CLEC5A: variants seen among roughly 807,000 people sequenced by gnomAD.
The protein encoded by CLEC5A is C-type lectin domain containing 5A.
Under a neutral mutation model 24.4 loss-of-function variants are expected in CLEC5A, and 15 were observed. The ratio of observed to expected loss-of-function variants is 0.62; its 90% CI spans 0.41 to 0.95. The LOEUF is 0.95. Among genes scored for constraint, CLEC5A ranks in the 40% least tolerant of loss-of-function variants. The pLI, the probability that CLEC5A is intolerant of heterozygous loss-of-function variation, is 0.00. For synonymous variants in CLEC5A, 71 were observed against 72.6 expected, an observed-to-expected ratio of 0.98 and a Z score of 0.11; for missense variants, 211 against 224.0, an observed-to-expected ratio of 0.94 and a Z score of 0.37.
chr7:141,943,927 G>C lies in CLEC5A; in HGVS notation c.177C>G (p.Asn59Lys). The change falls in exon 4 of 7, where the codon AAC (asparagine) becomes AAG (lysine). Residue 59 changes from asparagine to lysine, a missense_variant. Coordinates refer to ENST00000546910, the MANE Select transcript of CLEC5A (RefSeq NM_013252.3). ...QIFGSSSPSPNGFITTRSYGT... is the reference protein window; with the variant it reads ...QIFGSSSPSPKGFITTRSYGT... ...CATAGCTCCTTGTGGTAATGAAGCC[G>C]TTGGGACTTGGGGAACTGCTCCCAA... 1 of 1,611,200 alleles carries C rather than the reference G, an allele frequency of 6.2e-7. No individual in the cohort carries two copies. The highest frequency in any genetic ancestry group is 8.5e-7 in the Non-Finnish European group (1 of 1,177,670).
At chr7:141,935,709 A>G (rs977368630) in intron 5 of CLEC5A, 105 bp downstream of exon 5, 2 of 1,023,608 alleles carry the variant, frequency 2.0e-6, no homozygotes, top group African/African-American at 1.7e-5. Context: ...CCACCTCTCC[A>G]TTCCTCACTC....
chr7:141,934,529 GGGA>G (rs535638351), intron 5 of CLEC5A, among the ~76,000 whole-genome samples: 1 of 151,612 alleles, frequency 6.6e-6, no homozygotes, highest in Non-Finnish European at 1.5e-5. Flanking sequence ...TATACTTGTT[GGGA>G]GGAGAAGGAT....
At position 141,946,197 on chromosome 7, in the gene CLEC5A, G is replaced by T. The variant is rs782478562; in HGVS notation, c.79+17C>A. The stretch of plus-strand genomic sequence containing the variant: ...GACAACATGAAGTCTGGGGCAAGAG[G>T]TTGCTCAAATACTCACAATAAAGTA... On this transcript the variant is annotated intron_variant, in intron 2 of 6. Coordinates refer to ENST00000546910, the MANE Select transcript of CLEC5A (RefSeq NM_013252.3). The T allele has an allele frequency of 7.7e-6, 12 of 1,555,614 alleles. No homozygotes were observed. The East Asian group carries it at 2.9e-4, about 37-fold the overall frequency.
At chr7:141,930,366 C>T in intron 6 of CLEC5A, 148 bp from the exon 7 acceptor site, 1 of 619,920 alleles carries the variant, frequency 1.6e-6, no homozygotes, top group Non-Finnish European at 2.8e-6. Flanking sequence ...ACCGGGCCCA[C>T]ACACGTCTCC....
rs371108469 is a variant in CLEC5A, at chr7:141,935,837, T to C, written c.322A>G (p.Ile108Val). Reference protein sequence around the residue: ...FCKGKGSTLAIVNTPEKLKFL... With the variant: ...FCKGKGSTLAVVNTPEKLKFL... ...ACCAGTTTCTCTGGCGTGTTGACAA[T>C]TGCCAATGTGGATCCTTTTCCTTTG... Residue 108 changes from isoleucine to valine, a missense_variant, in exon 5 of 7, where the codon ATT becomes GTT. Ile to Val is a conservative substitution (Grantham distance 29). Coordinates refer to ENST00000546910, the MANE Select transcript of CLEC5A (RefSeq NM_013252.3). 1.4e-5 allele frequency: 23 copies of C among 1,614,018 alleles called. No homozygotes were observed. Among genetic ancestry groups the C allele is most frequent in the Non-Finnish European group, 1.8e-5 (21 of 1,179,988 alleles).
At chr7:141,931,599 A>T (rs542529588) in intron 6 of CLEC5A, 121 bp downstream of exon 6, 1 of 635,160 alleles carries the variant, frequency 1.6e-6, no homozygotes, top group African/African-American at 1.9e-5. Flanking sequence ...GGAAGAAAGG[A>T]GAAGAGCAGA....
intron 4 of CLEC5A, among the ~76,000 whole-genome samples, chr7:141,937,171 G>A (rs556097571): frequency 2.8e-4 from 43 of 152,048 alleles, no homozygotes; most frequent in Middle Eastern, 6.8e-3. Context: ...AGGGGGCTTT[G>A]TCTTGCACCT....
chr7:141,939,149 G>T (rs1402424547), intron 4 of CLEC5A, among the ~76,000 whole-genome samples: 2 of 152,098 alleles, frequency 1.3e-5, no homozygotes, highest in African/African-American at 4.8e-5. Context: ...GGTATGTAAA[G>T]TACTCTTATC....
At chr7:141,940,500 A>G (rs553246312) in intron 4 of CLEC5A, among the ~76,000 whole-genome samples, 59 of 152,012 alleles carry the variant, frequency 3.9e-4, no homozygotes, top group African/African-American at 1.4e-3. Flanking sequence ...CAAACCAAAA[A>G]CCTGATGACA....
intron 4 of CLEC5A, among the ~76,000 whole-genome samples, chr7:141,936,518 GCC>G (rs1802633376): frequency 6.6e-6 from 1 of 152,192 alleles, no homozygotes; most frequent in African/African-American, 2.4e-5. Flanking sequence ...ATGAGCGCTA[GCC>G]GGAGGGGAAT....
intron 3 of CLEC5A, 128 bp downstream of exon 3, chr7:141,945,213 T>G: frequency 2.5e-6 from 2 of 785,410 alleles, no homozygotes; most frequent in Non-Finnish European, 2.3e-6. Flanking sequence ...GGGAATTAAT[T>G]AGAAGATCTT....
intron 5 of CLEC5A, among the ~76,000 whole-genome samples, chr7:141,933,390 G>C (rs1009344239): frequency 6.6e-6 from 1 of 151,772 alleles, no homozygotes; most frequent in African/African-American, 2.4e-5. Context: ...GAGGAACTAC[G>C]AGATGCTCAG....
intron 5 of CLEC5A, among the ~76,000 whole-genome samples, chr7:141,934,452 A>G (rs1161093426): frequency 6.6e-6 from 1 of 152,072 alleles, no homozygotes; most frequent in Non-Finnish European, 1.5e-5. Flanking sequence ...GGGGGGTCAA[A>G]TATAATTGAC....
intron 5 of CLEC5A, among the ~76,000 whole-genome samples, 175 bp from the exon 6 acceptor site, chr7:141,932,001 G>C (rs1477365971): frequency 6.6e-6 from 1 of 152,134 alleles, no homozygotes; most frequent in African/African-American, 2.4e-5. Context: ...AGATTCAGAG[G>C]GAATTTGGAA....
In CLEC5A at chr7:141,945,756, G is replaced by T. The variant is rs1175029138; in HGVS notation, c.80-356C>A. 4 of 349,800 alleles carry T rather than the reference G, an allele frequency of 1.1e-5. No individual in the cohort carries two copies. The Admixed American group carries it at 1.9e-4, about 16-fold the overall frequency. The allele number at this position is 349,800 out of a possible 1,614,324, so 21.7% of individuals were successfully genotyped here. A position where few individuals can be genotyped will look rare whatever the true frequency, so the allele number is the denominator to read the frequency against. The stretch of plus-strand genomic sequence containing the variant: ...TTGCAGTAAAATCCTTTCATAGGAG[G>T]CTTCTTTAACTAGGCATTTGGATGA... On this transcript the variant is annotated intron_variant, in intron 2 of 6. Coordinates refer to ENST00000546910, the MANE Select transcript of CLEC5A (RefSeq NM_013252.3).
Position 141,929,070 on chromosome 7 carries a change from T to C in CLEC5A, c.*1034A>G, listed in dbSNP as rs1554439908. The C allele has an allele frequency of 6.6e-6, 1 of 152,216 alleles. No individual in the cohort carries two copies. The highest frequency in any genetic ancestry group is 2.4e-5 in the African/African-American group (1 of 41,444). 9.4% of individuals were successfully genotyped at this position (152,216 alleles called of 1,614,324 possible). On this transcript the variant is annotated 3_prime_UTR_variant, in exon 7 of 7. Coordinates refer to ENST00000546910, the MANE Select transcript of CLEC5A (RefSeq NM_013252.3). ...TCCATTTGACCCTGATGTTCCCTTTTTACTATGTGCTTATTCCGTGCCCCC... is the reference window on the plus strand; with the variant it reads ...TCCATTTGACCCTGATGTTCCCTTTCTACTATGTGCTTATTCCGTGCCCCC...
intron 4 of CLEC5A, among the ~76,000 whole-genome samples, chr7:141,940,512 A>G (rs1802758868): frequency 6.6e-6 from 1 of 151,920 alleles, no homozygotes; most frequent in Non-Finnish European, 1.5e-5. Flanking sequence ...CTGATGACAA[A>G]TCTTAAAGAA....
chr7:141,932,008 G>A (rs368177582), intron 5 of CLEC5A, among the ~76,000 whole-genome samples, 182 bp from the exon 6 acceptor site: 1 of 152,134 alleles, frequency 6.6e-6, no homozygotes, highest in African/African-American at 2.4e-5. Context: ...GAGGGAATTT[G>A]GAAAACCTGA....
chr7:141,936,755 AC>A (rs1191066078), intron 4 of CLEC5A, among the ~76,000 whole-genome samples: 6 of 151,960 alleles, frequency 3.9e-5, no homozygotes, highest in Admixed American at 6.6e-5. Flanking sequence ...TGCTCTCCCA[AC>A]CCCAAGCAGC....
Sources: allele counts gnomAD v4.1 joint callset (sites outside exome capture counted in the v4.1 genomes callset), GRCh38; gene constraint gnomAD v4.1.1; transcripts MANE v1.5; gene names NCBI Gene and HGNC (gene_info 2026-07-23, HGNC 2026-07-21).